The following NPAS3 variants were observed in gnomAD, a reference collection of about 807,000 sequenced individuals.
NPAS3 encodes neuronal PAS domain protein 3.
In NPAS3, 14 loss-of-function variants were observed where a neutral mutation model predicts 73.1. The observed-to-expected ratio is 0.19, with a 90% CI of 0.13 to 0.30. The LOEUF is 0.30. Ranked by LOEUF, NPAS3 falls within the 10% of genes least tolerant of loss-of-function variation. The probability of loss-of-function intolerance (pLI) is 1.00; values close to 1 mark genes in which losing one functional copy is unlikely to be tolerated. For synonymous variants in NPAS3, 620 were observed against 541.5 expected, an observed-to-expected ratio of 1.14 and a Z score of -2.01; for missense variants, 1,096 against 1,250.0, an observed-to-expected ratio of 0.88 and a Z score of 1.86.
At chr14:33,024,184 CCCA>C (rs2039716581) in intron 1 of NPAS3, among the ~76,000 whole-genome samples, 1 of 146,678 alleles carries the variant, frequency 6.8e-6, no homozygotes. Flanking sequence ...GTATATTCCC[CCCA>C]CCAAGATGGA....
At chr14:33,496,844 G>C (rs1423710606) in intron 4 of NPAS3, among the ~76,000 whole-genome samples, 1 of 152,066 alleles carries the variant, frequency 6.6e-6, no homozygotes, top group Non-Finnish European at 1.5e-5. Context: ...TGGAAGTTCT[G>C]GCCAGGGCAG....
At chr14:33,559,391 T>A (rs903768450) in intron 4 of NPAS3, among the ~76,000 whole-genome samples, 2 of 152,238 alleles carry the variant, frequency 1.3e-5, no homozygotes, top group African/African-American at 4.8e-5. Context: ...TTCATAGTAG[T>A]GCAAGTAGTG....
intron 2 of NPAS3, chr14:33,214,946 A>AT: frequency 5.7e-6 from 3 of 528,700 alleles, no homozygotes; most frequent in Non-Finnish European, 1.0e-5. Flanking sequence ...AAAAAACCTT[A>AT]ACAAGTAAAA....
chr14:33,517,090 G>C (rs2053338421), intron 4 of NPAS3, among the ~76,000 whole-genome samples: 1 of 151,990 alleles, frequency 6.6e-6, no homozygotes, highest in African/African-American at 2.4e-5. Context: ...TCTTGGATTA[G>C]GTATTCACTA....
At chr14:33,387,317 C>T (rs1296720838) in intron 4 of NPAS3, among the ~76,000 whole-genome samples, 1 of 152,140 alleles carries the variant, frequency 6.6e-6, no homozygotes, top group Non-Finnish European at 1.5e-5. Context: ...TGGGGTGGCA[C>T]TGGGCCCTAG....
chr14:33,266,762 T>C (rs1457741649), intron 3 of NPAS3, among the ~76,000 whole-genome samples: 1 of 152,176 alleles, frequency 6.6e-6, no homozygotes, highest in African/African-American at 2.4e-5. Context: ...AAATCTCAAA[T>C]ATTTTTATAG....
At chr14:33,679,386 A>T (rs2059868987) in intron 6 of NPAS3, among the ~76,000 whole-genome samples, 1 of 152,218 alleles carries the variant, frequency 6.6e-6, no homozygotes, top group Non-Finnish European at 1.5e-5. Context: ...CAAGGGAATT[A>T]CTTAAAAAGT....
At chr14:33,439,460 T>A (rs936572700) in intron 4 of NPAS3, among the ~76,000 whole-genome samples, 4 of 152,214 alleles carry the variant, frequency 2.6e-5, no homozygotes, top group Non-Finnish European at 5.9e-5. Flanking sequence ...ATGGTCATAG[T>A]GTGAGGCATG....
chr14:33,367,790 T>C (rs912112015), intron 4 of NPAS3, among the ~76,000 whole-genome samples: 2 of 152,100 alleles, frequency 1.3e-5, no homozygotes, highest in African/African-American at 4.8e-5. Flanking sequence ...AAAATACTAG[T>C]AAAAGGAGAC....
chr14:33,727,309 T>C (rs918265244), intron 6 of NPAS3, among the ~76,000 whole-genome samples: 13 of 152,274 alleles, frequency 8.5e-5, no homozygotes, highest in African/African-American at 3.1e-4. Context: ...TCTTCCTCTT[T>C]GGGATTCTAA....
intron 2 of NPAS3, among the ~76,000 whole-genome samples, chr14:33,187,414 T>G (rs2046017032): frequency 6.6e-6 from 1 of 152,238 alleles, no homozygotes; most frequent in South Asian, 2.1e-4. Context: ...ACTGGAAGAT[T>G]ATTGTGCATG....
chr14:33,668,602 G>A (rs1431578475), intron 5 of NPAS3, among the ~76,000 whole-genome samples: 2 of 152,140 alleles, frequency 1.3e-5, no homozygotes, highest in African/African-American at 4.8e-5. Flanking sequence ...GATCACTTGA[G>A]GCCAGCAGTT....
At position 33,682,957 on chromosome 14, in the gene NPAS3, C is replaced by T. The variant is rs74594137; in HGVS notation, c.733+6572C>T. On this transcript the variant is annotated intron_variant, in intron 6 of 11. Transcript: ENST00000356141. ...TTGGGACCTAATTCCTTGACCCACA[C>T]GTTGATGACGCAACTAGCTACAGAA... 5.9e-3 allele frequency among the ~76,000 whole-genome samples: 898 copies of T among 152,302 alleles called. 15 individuals are homozygous for T. The highest frequency in any genetic ancestry group is 0.021 in the African/African-American group (878 of 41,562).
At chr14:33,246,531 T>C (rs1197485502) in intron 3 of NPAS3, among the ~76,000 whole-genome samples, 3 of 89,454 alleles carry the variant, frequency 3.4e-5, no homozygotes, top group Non-Finnish European at 4.6e-5. Flanking sequence ...CAGCGAGACT[T>C]CATCTCAAAA....
intron 3 of NPAS3, among the ~76,000 whole-genome samples, chr14:33,299,170 C>A (rs545329143): frequency 6.6e-6 from 1 of 152,094 alleles, no homozygotes; most frequent in South Asian, 2.1e-4. Context: ...TAACTTTGGC[C>A]ACGTAGTGTT....
intron 4 of NPAS3, among the ~76,000 whole-genome samples, chr14:33,528,287 T>C (rs779759593): frequency 1.6e-4 from 24 of 151,940 alleles, no homozygotes; most frequent in Non-Finnish European, 3.2e-4. Flanking sequence ...AGCTGCACAT[T>C]CATGCAGTAT....
intron 3 of NPAS3, among the ~76,000 whole-genome samples, chr14:33,221,484 C>T (rs1378446287): frequency 1.3e-5 from 2 of 152,054 alleles, no homozygotes; most frequent in Non-Finnish European, 2.9e-5. Context: ...GAAGTGGGCT[C>T]GGCATGGTGG....
rs574335804 is a variant in NPAS3, at chr14:33,033,032, G to T, written c.51-22873G>T. Among the ~76,000 whole-genome samples, 3 of 152,264 alleles carry T rather than the reference G, an allele frequency of 2.0e-5. No individual in the cohort carries two copies. The East Asian group carries it at 5.8e-4, about 29-fold the overall frequency. On this transcript the variant is annotated intron_variant, in intron 1 of 11. Coordinates refer to ENST00000356141, the Ensembl canonical transcript of NPAS3. The stretch of plus-strand genomic sequence containing the variant: ...CTATAGTCTCTAGATATCCAAGGCA[G>T]ACTGTCAAATCAAATAATAACTCTA...
chr14:33,167,487 C>A (rs1447376685), intron 2 of NPAS3, among the ~76,000 whole-genome samples: 3 of 152,070 alleles, frequency 2.0e-5, no homozygotes, highest in African/African-American at 7.2e-5. Context: ...TGCTGAAGAC[C>A]AAATCCTGTG....
Sources: gnomAD v4.1 joint callset for allele counts (sites outside exome capture counted in the v4.1 genomes callset) on GRCh38, gnomAD v4.1.1 for gene constraint, MANE v1.5 for transcripts, NCBI Gene and HGNC (gene_info 2026-07-23, HGNC 2026-07-21) for gene names.